Variants in ABCC9 observed in about 807,000 individuals in gnomAD.
ABCC9 encodes ATP binding cassette subfamily C member 9, also known as ATP-binding cassette sub-family C member 9.
In ABCC9, 95 loss-of-function variants were observed where a neutral mutation model predicts 188.3. The observed-to-expected ratio is 0.50, with a 90% CI of 0.43 to 0.60. The LOEUF is 0.60. Ranked by LOEUF, ABCC9 falls within the 20% of genes least tolerant of loss-of-function variation. ABCC9 has a pLI of 0.00. For synonymous variants in ABCC9, 659 were observed against 652.7 expected, an observed-to-expected ratio of 1.01 and a Z score of -0.15; for missense variants, 1,102 against 1,876.3, an observed-to-expected ratio of 0.59 and a Z score of 7.62.
At chr12:21,884,474 T>G (rs1295599907) in intron 15 of ABCC9, among the ~76,000 whole-genome samples, 6 of 152,222 alleles carry the variant, frequency 3.9e-5, no homozygotes, top group Admixed American at 3.3e-4. Flanking sequence ...ATTCTAGAAT[T>G]GTGAAAGTTG....
chr12:21,931,822 A>G (rs1949301406), intron 4 of ABCC9, among the ~76,000 whole-genome samples: 1 of 152,196 alleles, frequency 6.6e-6, no homozygotes, highest in African/African-American at 2.4e-5. Context: ...GTTACCAACA[A>G]GATAATATCC....
intron 39 of ABCC9, chr12:21,805,162 G>C: frequency 6.2e-7 from 1 of 1,613,974 alleles, no homozygotes; most frequent in Non-Finnish European, 8.5e-7. Context: ...TGGTGCAATA[G>C]ATCATGATGG....
intron 37 of ABCC9, 110 bp from the exon 38 acceptor site, chr12:21,807,589 C>T (rs994086382): frequency 1.4e-6 from 2 of 1,467,444 alleles, no homozygotes; most frequent in Middle Eastern, 1.7e-4. Context: ...ATGGATATCA[C>T]TTAGTGCTGG....
At chr12:21,895,251 T>C in intron 13 of ABCC9, 24 bp downstream of exon 13, 1 of 1,604,974 alleles carries the variant, frequency 6.2e-7, no homozygotes, top group Non-Finnish European at 8.5e-7. Flanking sequence ...GTTTCATTTC[T>C]AAAAGAGAGA....
chr12:21,859,791 TGTA>T, intron 21 of ABCC9, 125 bp from the exon 22 acceptor site: 1 of 833,074 alleles, frequency 1.2e-6, no homozygotes, highest in Non-Finnish European at 2.1e-6. Context: ...TTAATTAAAT[TGTA>T]GTAACATTGG....
chr12:21,911,060 A>G, intron 8 of ABCC9, 82 bp from the exon 9 acceptor site: 1 of 1,309,890 alleles, frequency 7.6e-7, no homozygotes, highest in Non-Finnish European at 1.1e-6. Flanking sequence ...ATTAAAAGAT[A>G]CATAATATTT....
intron 14 of ABCC9, among the ~76,000 whole-genome samples, chr12:21,893,305 G>A (rs538364825): frequency 1.3e-5 from 2 of 152,058 alleles, no homozygotes; most frequent in African/African-American, 4.8e-5. Context: ...ATACAAAATG[G>A]TTTTACAATT....
intron 16 of ABCC9, among the ~76,000 whole-genome samples, chr12:21,878,557 C>G (rs1312378138): frequency 6.6e-6 from 1 of 152,112 alleles, no homozygotes; most frequent in African/African-American, 2.4e-5. Context: ...TAAATCCTAA[C>G]TATGTGTGGC....
At chr12:21,917,363 T>C (rs1948642241) in intron 5 of ABCC9, among the ~76,000 whole-genome samples, 1 of 152,194 alleles carries the variant, frequency 6.6e-6, no homozygotes, top group South Asian at 2.1e-4. Flanking sequence ...AGATATATAA[T>C]AGGATAAACT....
chr12:21,907,027 G>A (rs1948078476), intron 11 of ABCC9, among the ~76,000 whole-genome samples: 1 of 152,088 alleles, frequency 6.6e-6, no homozygotes, highest in Non-Finnish European at 1.5e-5. Flanking sequence ...AAAAGGGGCA[G>A]TAGAGTGGTC....
In ABCC9 at chr12:21,799,479, A is replaced by C. The variant is rs1343025710; in HGVS notation, c.*1565T>G. On this transcript the variant is annotated 3_prime_UTR_variant, in exon 40 of 40. Coordinates refer to ENST00000261200, the MANE Select transcript of ABCC9 (RefSeq NM_020297.4). ...TTAGCTTTAAGAAAACAATAAGGTT[A>C]TTTTCTTCCAAGGAAGTTTTATATA... The C allele has an allele frequency of 6.6e-6, 1 of 152,152 alleles. No homozygotes were observed. Among genetic ancestry groups the C allele is most frequent in the Non-Finnish European group, 1.5e-5 (1 of 68,012 alleles). The allele number at this position is 152,152 out of a possible 1,614,324, so 9.4% of individuals were successfully genotyped here.
intron 18 of ABCC9, among the ~76,000 whole-genome samples, chr12:21,865,671 T>C (rs1052759076): frequency 3.3e-5 from 5 of 152,158 alleles, no homozygotes; most frequent in African/African-American, 1.2e-4. Flanking sequence ...CATGTGTAAA[T>C]ACCTGTTGGA....
chr12:21,907,342 C>T (rs1024634577), intron 11 of ABCC9, among the ~76,000 whole-genome samples: 6 of 152,010 alleles, frequency 3.9e-5, no homozygotes, highest in African/African-American at 1.2e-4. Flanking sequence ...ATGCAACTCG[C>T]TTGTCATAGT....
rs1949507432 is a variant in ABCC9 at position 21,936,782 on chromosome 12, A to G, written c.-20-88T>C. On this transcript the variant is annotated intron_variant, in intron 2 of 39. Transcript: ENST00000261200. Reference sequence around the variant, plus strand: ...ATTAAAGCCTTGAATAGAGGGCTATATCATAAAATTAATCCCTTTTACTTT... The same window carrying G: ...ATTAAAGCCTTGAATAGAGGGCTATGTCATAAAATTAATCCCTTTTACTTT... The G allele has an allele frequency of 5.2e-6, 5 of 966,884 alleles. No individual in the cohort carries two copies. The Admixed American group carries it at 1.0e-4, about 19-fold the overall frequency. 59.9% of individuals were successfully genotyped at this position (966,884 alleles called of 1,614,324 possible).
At chr12:21,874,935 A>G (rs1488989236) in intron 17 of ABCC9, among the ~76,000 whole-genome samples, 2 of 152,216 alleles carry the variant, frequency 1.3e-5, no homozygotes, top group South Asian at 2.1e-4. Flanking sequence ...TTCAATAGTT[A>G]TTACTGAATT....
intron 18 of ABCC9, among the ~76,000 whole-genome samples, chr12:21,871,495 AT>A (rs938606264): frequency 1.3e-5 from 2 of 151,986 alleles, no homozygotes; most frequent in African/African-American, 2.4e-5. Flanking sequence ...ACAACCAAGA[AT>A]TTTTTTTTCT....
chr12:21,877,004 T>G (rs760175259), intron 16 of ABCC9, among the ~76,000 whole-genome samples: 4 of 152,190 alleles, frequency 2.6e-5, no homozygotes, highest in Non-Finnish European at 5.9e-5. Context: ...CACACAGTTA[T>G]GTGTGAAATT....
intron 36 of ABCC9, 22 bp from the exon 37 acceptor site, chr12:21,809,977 T>C: frequency 7.2e-7 from 1 of 1,388,340 alleles, no homozygotes; most frequent in Non-Finnish European, 1.0e-6. Context: ...AATTAGTTAA[T>C]TAGTCAATAA....
rs752156685 is a variant in ABCC9 at position 21,842,463 on chromosome 12, A to G, written c.3324T>C (p.Pro1108=). The stretch of plus-strand genomic sequence containing the variant: ...AGCGAGTTAGAGATTCCAAGGTTGG[A>G]GGGATGTGCTATTAGGGTAGTTTAA... The part of the protein sequence containing the change: ...ADTNIIDQHI[P]PTLESLTRST... The change falls in exon 29 of 40, where the codon CCT becomes CCC. Residue 1108 remains proline (P), a synonymous_variant. Coordinates refer to ENST00000261200, the MANE Select transcript of ABCC9 (RefSeq NM_020297.4). The G allele has an allele frequency of 3.1e-6, 5 of 1,613,954 alleles. No homozygotes were observed. In the African/African-American group the frequency reaches 6.7e-5, roughly 22 times the overall value.
Sources: gnomAD v4.1 joint callset for allele counts (sites outside exome capture counted in the v4.1 genomes callset) on GRCh38, gnomAD v4.1.1 for gene constraint, MANE v1.5 for transcripts, NCBI Gene and HGNC (gene_info 2026-07-23, HGNC 2026-07-21) for gene names.